C12orf42: variants seen among roughly 807,000 people sequenced by gnomAD.
C12orf42 encodes the protein chromosome 12 open reading frame 42, also known as uncharacterized protein C12orf42.
Under a neutral mutation model 21.6 loss-of-function variants are expected in C12orf42, and 25 were observed. That is an observed-to-expected ratio of 1.16 (90% CI 0.84 to 1.62). The LOEUF (loss-of-function observed/expected upper bound fraction) is 1.62, where lower values mean the gene tolerates loss of function less well. Ranked by LOEUF, C12orf42 falls within the 40% of genes most tolerant of loss-of-function variation. The pLI is 0.00. For synonymous variants in C12orf42, 174 were observed against 175.0 expected, an observed-to-expected ratio of 0.99 and a Z score of 0.05; for missense variants, 483 against 459.3, an observed-to-expected ratio of 1.05 and a Z score of -0.47.
At chr12:103,129,177 T>C in the C12orf42 span, among the ~76,000 whole-genome samples, 1 of 152,060 alleles carries the variant, frequency 6.6e-6, no homozygotes, top group Non-Finnish European at 1.5e-5. Context: ...AACTGAACTG[T>C]GGACTAGAGG....
At chr12:103,527,976 A>C in the C12orf42 span, among the ~76,000 whole-genome samples, 1 of 152,204 alleles carries the variant, frequency 6.6e-6, no homozygotes, top group Non-Finnish European at 1.5e-5. Flanking sequence ...ATTACTCATA[A>C]TTTTCACAAT....
chr12:103,237,162 T>C (rs1311889649), downstream of C12orf42, among the ~76,000 whole-genome samples: 1 of 152,210 alleles, frequency 6.6e-6, no homozygotes, highest in African/African-American at 2.4e-5. Context: ...CAATCTGGCC[T>C]AAGAGGTATA....
At chr12:103,352,414 A>G (rs1277987946) in intron 4 of C12orf42, among the ~76,000 whole-genome samples, 3 of 152,188 alleles carry the variant, frequency 2.0e-5, no homozygotes, top group African/African-American at 4.8e-5. Context: ...AAGTATCCAT[A>G]TATCTTGGTA....
the C12orf42 span, among the ~76,000 whole-genome samples, chr12:103,068,932 CACATATAT>C: frequency 9.1e-3 from 440 of 48,184 alleles, 41 homozygotes; most frequent in Admixed American, 0.016. Context: ...TCTCTCTCTC[CACATATAT>C]ATATATATAT....
At chr12:103,389,459 T>C (rs2046891890) in intron 3 of C12orf42, among the ~76,000 whole-genome samples, 1 of 152,204 alleles carries the variant, frequency 6.6e-6, no homozygotes, top group Admixed American at 6.5e-5. Context: ...AGAAGTCAAA[T>C]TTCAGGTGAA....
chr12:103,333,221 GT>G (rs769847826), intron 4 of C12orf42, among the ~76,000 whole-genome samples: 1 of 152,132 alleles, frequency 6.6e-6, no homozygotes, highest in Non-Finnish European at 1.5e-5. Context: ...GACAGACCTA[GT>G]TTTGAATTGC....
the C12orf42 span, among the ~76,000 whole-genome samples, chr12:103,204,648 C>G: frequency 3.3e-5 from 5 of 152,088 alleles, no homozygotes; most frequent in Middle Eastern, 3.2e-3. Context: ...CACAAGATAT[C>G]GTCTCATCAC....
intron 2 of C12orf42, among the ~76,000 whole-genome samples, chr12:103,445,409 C>G (rs1951515952): frequency 6.6e-6 from 1 of 151,638 alleles, no homozygotes; most frequent in South Asian, 2.1e-4. Flanking sequence ...CTAATTGTTC[C>G]ATGTCCTCAC....
the C12orf42 span, among the ~76,000 whole-genome samples, chr12:103,054,260 T>C: frequency 6.6e-6 from 1 of 151,858 alleles, no homozygotes; most frequent in African/African-American, 2.4e-5. Context: ...ATTTCTTTGG[T>C]CAGCATCTTG....
chr12:103,230,804 T>A, the C12orf42 span, among the ~76,000 whole-genome samples: 23 of 152,324 alleles, frequency 1.5e-4, no homozygotes, highest in African/African-American at 5.3e-4. Context: ...GTTTCATTTA[T>A]TTTTTGCTTT....
chr12:103,384,448 T>C (rs1012770153), intron 3 of C12orf42, among the ~76,000 whole-genome samples: 2 of 152,242 alleles, frequency 1.3e-5, no homozygotes, highest in Non-Finnish European at 2.9e-5. Context: ...ACTTAAAAGA[T>C]ATTTAACCTT....
At chr12:103,157,112 T>C in the C12orf42 span, among the ~76,000 whole-genome samples, 1 of 152,194 alleles carries the variant, frequency 6.6e-6, no homozygotes, top group Non-Finnish European at 1.5e-5. Context: ...GCGTTCTTAT[T>C]TCTTCACAGC....
chr12:103,318,753 G>A (rs768507205), intron 4 of C12orf42, among the ~76,000 whole-genome samples: 1 of 152,116 alleles, frequency 6.6e-6, no homozygotes, highest in Non-Finnish European at 1.5e-5. Context: ...GACACAGTGG[G>A]GAGCTCTTGG....
chr12:103,234,662 T>C (rs1174868995), downstream of C12orf42, among the ~76,000 whole-genome samples: 1 of 152,136 alleles, frequency 6.6e-6, no homozygotes, highest in Non-Finnish European at 1.5e-5. Context: ...TTGCTTTGTT[T>C]TCTAACCCTG....
chr12:103,353,943 C>T (rs1406660910), intron 4 of C12orf42, among the ~76,000 whole-genome samples: 1 of 152,146 alleles, frequency 6.6e-6, no homozygotes, highest in Non-Finnish European at 1.5e-5. Context: ...AAGAAATCTT[C>T]AGGGAATCAG....
chr12:103,523,758 C>CATAT, the C12orf42 span, among the ~76,000 whole-genome samples: 7 of 148,600 alleles, frequency 4.7e-5, no homozygotes, highest in Admixed American at 1.3e-4. Context: ...GGATCACTTT[C>CATAT]ATATATATAT....
intron 2 of C12orf42, among the ~76,000 whole-genome samples, chr12:103,418,884 A>C (rs1405718297): frequency 6.8e-6 from 1 of 147,694 alleles, no homozygotes; most frequent in South Asian, 2.1e-4. Flanking sequence ...TCTTATATCT[A>C]CTATTGACAA....
chr12:103,097,381 T>G, the C12orf42 span, among the ~76,000 whole-genome samples: 1 of 152,252 alleles, frequency 6.6e-6, no homozygotes. Context: ...GCATTCTTTA[T>G]GTAGTGCATG....
In C12orf42 at chr12:103,458,954, C is replaced by CAA. The variant is rs34767401; in HGVS notation, c.78+19393_78+19394dup. On this transcript the variant is annotated intron_variant, in intron 2 of 5. Transcript: ENST00000548883. ...TAGACACCAAGATGTATTAAATGTG[C>CAA]AAAAAAAAAAACGTATTAGGGGAAA... Among the ~76,000 whole-genome samples, 1,025 of 138,650 alleles carry CAA rather than the reference C, an allele frequency of 7.4e-3. 13 individuals are homozygous for CAA. The highest frequency in any genetic ancestry group is 0.024 in the African/African-American group (919 of 38,218). The allele number at this position is 138,650 out of a possible 152,430, so 91.0% of individuals were successfully genotyped here.
Sources: allele counts gnomAD v4.1 joint callset (sites outside exome capture counted in the v4.1 genomes callset), GRCh38; gene constraint gnomAD v4.1.1; transcripts MANE v1.5; gene names NCBI Gene and HGNC (gene_info 2026-07-23, HGNC 2026-07-21).